The following DHRS2 variants were observed in gnomAD, a reference collection of about 807,000 sequenced individuals.
The protein encoded by DHRS2 is dehydrogenase/reductase 2.
DHRS2 carries 29 observed loss-of-function variants against 26.3 expected under a neutral mutation model. The ratio of observed to expected loss-of-function variants is 1.10; its 90% CI spans 0.82 to 1.50. DHRS2 has a LOEUF of 1.50. Among genes scored for constraint, DHRS2 ranks in the 40% most tolerant of loss-of-function variants. The pLI is 0.00. For synonymous variants in DHRS2, 164 were observed against 151.3 expected (o/e 1.08, Z -0.62); for missense variants, 439 against 367.1 (o/e 1.20, Z -1.60).
Position 23,638,833 on chromosome 14 carries a change from T to C in DHRS2, c.-32T>C. ...AATTGATTCTTTCCCCCAGGCCTGA[T>C]TCAGCAGGAAGCATCTCAGACACCA... is the stretch of plus-strand genomic sequence containing the variant. On this transcript the variant is annotated 5_prime_UTR_variant, in exon 2 of 9. Coordinates refer to ENST00000250383, the MANE Select transcript of DHRS2 (RefSeq NM_005794.4). 1.2e-6 allele frequency: 2 copies of C among 1,605,180 alleles called. No individual in the cohort carries two copies. The highest frequency in any genetic ancestry group is 1.7e-6 in the Non-Finnish European group (2 of 1,174,134).
At chr14:23,644,722 T>G (rs1890805872) in intron 7 of DHRS2, 105 bp from the exon 8 acceptor site, 12 of 1,505,464 alleles carry the variant, frequency 8.0e-6, no homozygotes, top group Non-Finnish European at 1.0e-5. Flanking sequence ...CTCCTTCTTT[T>G]GAGAAGGGCA....
intron 1 of DHRS2, chr14:23,638,126 C>G (rs898853626): frequency 6.6e-6 from 1 of 152,572 alleles, no homozygotes; most frequent in Non-Finnish European, 1.5e-5. Flanking sequence ...AGACCACAAA[C>G]CCTCCAGAAG....
At chr14:23,642,249 C>A in intron 4 of DHRS2, 5 of 716,466 alleles carry the variant, frequency 7.0e-6, no homozygotes, top group Middle Eastern at 7.2e-4. Context: ...TTTTTATGAC[C>A]AAATAATAGA....
chr14:23,642,585 GAGAC>G (rs1188017158), intron 4 of DHRS2: 1 of 152,710 alleles, frequency 6.5e-6, no homozygotes, highest in Non-Finnish European at 1.5e-5. Context: ...TTCTTTTTAA[GAGAC>G]AGGGTCTCAC....
intron 1 of DHRS2, chr14:23,638,095 A>G (rs142932685): frequency 0.015 from 2,288 of 152,368 alleles, 31 homozygotes; most frequent in Non-Finnish European, 0.024. Flanking sequence ...AAGGTCTGCA[A>G]CTTCACTCCT....
rs146690475 is a variant in DHRS2, at chr14:23,639,215, C to G, written c.177C>G (p.Asp59Glu). 2 of 1,613,828 alleles carry G rather than the reference C, an allele frequency of 1.2e-6. No individual in the cohort carries two copies. The highest frequency in any genetic ancestry group is 2.2e-5 in the East Asian group (1 of 44,878). The change falls in exon 3 of 9, where the codon GAC becomes GAG. Residue 59 changes from aspartate to glutamate, a missense_variant. By Grantham distance (45) the Asp-to-Glu change is conservative. Coordinates refer to ENST00000250383, the MANE Select transcript of DHRS2 (RefSeq NM_005794.4). Reference protein sequence around the residue: ...GFAIARRLARDGAHVVISSRK... With the variant: ...GFAIARRLAREGAHVVISSRK... ...CCATCGCCCGACGTCTGGCCCGGGA[C>G]GGGGCCCACGTGGTCATCAGCAGCC...
chr14:23,635,159 C>A (rs1382970654), upstream of DHRS2, among the ~76,000 whole-genome samples: 2 of 151,968 alleles, frequency 1.3e-5, no homozygotes, highest in Non-Finnish European at 2.9e-5. Flanking sequence ...ACCTCCTGGG[C>A]TCAAGCAATC....
intron 8 of DHRS2, 81 bp from the exon 9 acceptor site, chr14:23,645,061 A>G: frequency 2.5e-6 from 4 of 1,601,158 alleles, no homozygotes; most frequent in Non-Finnish European, 3.4e-6. Flanking sequence ...CATGGAGCCC[A>G]CTCCCACCTG....
At chr14:23,642,998 A>G (rs1423213665) in intron 4 of DHRS2, 154 bp from the exon 5 acceptor site, 2 of 705,950 alleles carry the variant, frequency 2.8e-6, no homozygotes, top group African/African-American at 1.8e-5. Context: ...AATTGGAAAT[A>G]CCTCTTGCAC....
upstream of DHRS2, among the ~76,000 whole-genome samples, chr14:23,635,161 C>T (rs994573893): frequency 6.6e-6 from 1 of 152,012 alleles, no homozygotes; most frequent in African/African-American, 2.4e-5. Flanking sequence ...CTCCTGGGCT[C>T]AAGCAATCGT....
chr14:23,632,254 G>C (rs867145717), upstream of DHRS2, among the ~76,000 whole-genome samples: 24 of 152,324 alleles, frequency 1.6e-4, no homozygotes, highest in African/African-American at 5.3e-4. Flanking sequence ...AGTTCCCCAG[G>C]GGGGGCATAA....
intron 1 of DHRS2, among the ~76,000 whole-genome samples, chr14:23,637,752 G>T (rs567296382): frequency 1.3e-5 from 2 of 152,288 alleles, no homozygotes; most frequent in African/African-American, 2.4e-5. Flanking sequence ...GAGAACTTTT[G>T]TGTCTAGCGA....
chr14:23,636,931 C>T (rs1340593077), intron 1 of DHRS2, among the ~76,000 whole-genome samples, 159 bp downstream of exon 1: 2 of 152,206 alleles, frequency 1.3e-5, no homozygotes, highest in East Asian at 3.9e-4. Context: ...GGATCTCTAA[C>T]AACCCCTGGC....
In DHRS2 at chr14:23,638,998, C is replaced by T. The variant is rs1890494054; in HGVS notation, c.134C>T (p.Thr45Ile). 3.7e-6 allele frequency: 6 copies of T among 1,612,978 alleles called. No homozygotes were observed. The East Asian group carries it at 6.7e-5, about 18-fold the overall frequency. ...ANRVAVVTGS[T>I]SGIGFAIARR... is the part of the protein sequence containing the mutation. ...CGGGTAGCCGTGGTCACGGGGTCCA[C>T]CAGTGGGTGAGTGCTGGATTGCCCA... Residue 45 changes from threonine (T) to isoleucine (I), a missense_variant, in exon 2 of 9, where the codon ACC becomes ATC. By Grantham distance (89) the Thr-to-Ile change is moderately conservative. Coordinates refer to ENST00000250383, the MANE Select transcript of DHRS2 (RefSeq NM_005794.4).
intron 1 of DHRS2, among the ~76,000 whole-genome samples, chr14:23,630,714 A>G (rs998408102): frequency 3.3e-5 from 5 of 152,238 alleles, no homozygotes; most frequent in Non-Finnish European, 7.3e-5. Context: ...ACATCTTAGG[A>G]GAACAGAAGC....
At chr14:23,640,905 T>G (rs1285575199) in intron 4 of DHRS2, 1 of 152,288 alleles carries the variant, frequency 6.6e-6, no homozygotes, top group Non-Finnish European at 1.5e-5. Context: ...ATTTTATTGC[T>G]GACAGTCTCC....
intron 4 of DHRS2, chr14:23,641,867 T>TCTCG: frequency 8.1e-7 from 1 of 1,227,132 alleles, no homozygotes; most frequent in East Asian, 5.7e-5. Context: ...GAGTTGCAGA[T>TCTCG]GTGGTCTCAT....
rs757267631 is a variant in DHRS2 at position 23,638,943 on chromosome 14, G to A, written c.79G>A (p.Gly27Arg). Residue 27 changes from glycine (G) to arginine (R), a missense_variant, in exon 2 of 9, where the codon GGG (glycine) becomes AGG (arginine). Physicochemically the swap from Gly to Arg is moderately radical, Grantham distance 125. Coordinates refer to ENST00000250383, the MANE Select transcript of DHRS2 (RefSeq NM_005794.4). ...GCTTTCTGTGAGGATGAGCAGCACC[G>A]GGATAGACAGGAAGGGCGTCCTGGC... ...ARLSVRMSST[G>R]IDRKGVLANR... 115 of 1,614,052 alleles carry A rather than the reference G, an allele frequency of 7.1e-5. No individual in the cohort carries two copies. Among genetic ancestry groups the A allele is most frequent in the Non-Finnish European group, 8.6e-5 (102 of 1,180,040 alleles).
chr14:23,632,127 G>A (rs571753116), upstream of DHRS2, among the ~76,000 whole-genome samples: 9 of 152,308 alleles, frequency 5.9e-5, no homozygotes, highest in South Asian at 1.9e-3. Context: ...CCAGCAGGGG[G>A]CGTCCTGTCC....
Sources: allele counts gnomAD v4.1 joint callset (sites outside exome capture counted in the v4.1 genomes callset), GRCh38; gene constraint gnomAD v4.1.1; transcripts MANE v1.5; gene names NCBI Gene and HGNC (gene_info 2026-07-23, HGNC 2026-07-21).